The following CPTP variants were observed in gnomAD, a reference collection of about 807,000 sequenced individuals.
CPTP encodes ceramide-1-phosphate transfer protein.
Under a neutral mutation model 5.7 loss-of-function variants are expected in CPTP, and 5 were observed. The ratio of observed to expected loss-of-function variants is 0.88; its 90% CI spans 0.46 to 1.86. The LOEUF (loss-of-function observed/expected upper bound fraction) is 1.86, where lower values mean the gene tolerates loss of function less well. Among genes scored for constraint, CPTP ranks in the 40% most tolerant of loss-of-function variants. The pLI, the probability that CPTP is intolerant of heterozygous loss-of-function variation, is 0.01. For missense variants in CPTP, 335 were observed against 306.5 expected (o/e 1.09, Z -0.69); for synonymous variants, 166 against 142.7 (o/e 1.16, Z -1.16).
chr1:1,327,052 C>A lies in CPTP; in HGVS notation c.122+20C>A, dbSNP rs777391500. 1.2e-6 allele frequency: 2 copies of A among 1,612,300 alleles called. No homozygotes were observed. The highest frequency in any genetic ancestry group is 2.2e-5 in the South Asian group (2 of 91,072). ...GGTCAGGTGCGTGTGCCAGGGCTGC[C>A]TCCTGAGGTGGGCGCTCCCCTGGCC... is the stretch of plus-strand genomic sequence containing the variant. On this transcript the variant is annotated intron_variant, in intron 2 of 2. Coordinates refer to ENST00000343938, the MANE Select transcript of CPTP (RefSeq NM_001029885.2).
rs757970289 is a variant in CPTP at position 1,327,429 on chromosome 1, G to A, written c.311G>A (p.Gly104Asp). Residue 104 changes from glycine (G) to aspartate (D), a missense_variant, in exon 3 of 3, where the codon GGC (glycine) becomes GAC (aspartate). Physicochemically the swap from Gly to Asp is moderately conservative, Grantham distance 94. Transcript: ENST00000343938. ...LERRSHHPES[G>D]CRTVLRLHRA... The stretch of plus-strand genomic sequence containing the variant: ...CGCCGCTCCCACCACCCGGAGTCTG[G>A]CTGCCGGACGGTGCTGCGCCTGCAC... The A allele has an allele frequency of 2.5e-6, 4 of 1,584,456 alleles. No individual in the cohort carries two copies. Among genetic ancestry groups the A allele is most frequent in the Admixed American group, 1.7e-5 (1 of 57,430 alleles).
At position 1,327,263 on chromosome 1, in the gene CPTP, A is replaced by G; in HGVS notation, c.145A>G (p.Ile49Val). 1.9e-6 allele frequency: 3 copies of G among 1,597,878 alleles called. No individual in the cohort carries two copies. The highest frequency in any genetic ancestry group is 1.3e-5 in the African/African-American group (1 of 75,000). Reference sequence around the variant, plus strand: ...CAGGTTTCTGAACAGCCTGGGCACCATCTTCTCATTCATCTCCAAGGACGT... The same window carrying G: ...CAGGTTTCTGAACAGCCTGGGCACCGTCTTCTCATTCATCTCCAAGGACGT... ...LVRFLNSLGT[I>V]FSFISKDVVS... The change falls in exon 3 of 3, where the codon ATC (isoleucine) becomes GTC (valine). Residue 49 changes from isoleucine to valine, a missense_variant. Transcript: ENST00000343938.
chr1:1,326,135 G>C (rs528013444), intron 1 of CPTP, among the ~76,000 whole-genome samples: 12 of 152,394 alleles, frequency 7.9e-5, no homozygotes, highest in African/African-American at 2.9e-4. Context: ...TAGTACAAGA[G>C]CCTCGTGGCA....
At chr1:1,325,580 C>T (rs1315183559) in intron 1 of CPTP, 17 of 152,358 alleles carry the variant, frequency 1.1e-4, no homozygotes, top group Non-Finnish European at 2.3e-4. Context: ...CAGCCATCCC[C>T]CACACCTGAA....
At chr1:1,327,096 T>C (rs1422521956) in intron 2 of CPTP, 64 bp downstream of exon 2, 2 of 1,602,108 alleles carry the variant, frequency 1.2e-6, no homozygotes, top group Non-Finnish European at 1.7e-6. Context: ...ATATGTGGCA[T>C]CTGCCTCCCG....
rs1403233335 is a variant in CPTP at position 1,327,560 on chromosome 1, GC to G, written c.444del (p.Tyr149ThrfsTer27). On this transcript the variant is annotated frameshift_variant, in exon 3 of 3. Coordinates refer to ENST00000343938, the MANE Select transcript of CPTP (RefSeq NM_001029885.2). LOFTEE classifies it high-confidence loss of function. The stretch of plus-strand genomic sequence containing the variant: ...CGACTCCTACAACGCCTCGCTGGCC[GC>G]CTACCACCCCTGGGTCGTGCGCCGC... ...CADSYNASLA[A>X]YHPWVVRRAV... 6.3e-7 allele frequency: 1 copy of G among 1,599,750 alleles called. No individual in the cohort carries two copies. Among genetic ancestry groups the G allele is most frequent in the Non-Finnish European group, 8.5e-7 (1 of 1,174,434 alleles).
Position 1,327,650 on chromosome 1 carries a change from G to T in CPTP, c.532G>T (p.Gly178Trp), listed in dbSNP as rs926340891. The change falls in exon 3 of 3, where the codon GGG becomes TGG. Residue 178 changes from glycine to tryptophan, a missense_variant. Physicochemically the swap from Gly to Trp is radical, Grantham distance 184 (BLOSUM62 -2). Transcript: ENST00000343938. ...GGTCTTCCTGGAGGCCATGAACGTG[G>T]GGCCCCCGGAGCAGGCCGTGCAGAT... ...REVFLEAMNVGPPEQAVQMLG... is the reference protein window; with the variant it reads ...REVFLEAMNVWPPEQAVQMLG... The T allele has an allele frequency of 1.9e-6, 3 of 1,612,606 alleles. No individual in the cohort carries two copies. The highest frequency in any genetic ancestry group is 2.5e-6 in the Non-Finnish European group (3 of 1,179,924).
rs777545105 is a variant in CPTP at position 1,327,776 on chromosome 1, A to G, written c.*13A>G. ...GGACCTGCCCTAGGGGCGGGAAGCC[A>G]GGGCCGCACCGGCTTTCCTGCTGCA... is the stretch of plus-strand genomic sequence containing the variant. On this transcript the variant is annotated 3_prime_UTR_variant, in exon 3 of 3. Coordinates refer to ENST00000343938, the MANE Select transcript of CPTP (RefSeq NM_001029885.2). The G allele has an allele frequency of 1.9e-5, 30 of 1,608,634 alleles. No individual in the cohort carries two copies. Among genetic ancestry groups the G allele is most frequent in the East Asian group, 1.6e-4 (7 of 44,864 alleles).
intron 1 of CPTP, among the ~76,000 whole-genome samples, chr1:1,325,803 G>A (rs1452427669): frequency 6.6e-6 from 1 of 152,158 alleles, no homozygotes; most frequent in Admixed American, 6.5e-5. Flanking sequence ...CTGGCCAGGA[G>A]CTCTCACCAC....
At position 1,327,153 on chromosome 1, in the gene CPTP, A is replaced by G. The variant is rs908733074; in HGVS notation, c.123-88A>G. 7.6e-6 allele frequency: 12 copies of G among 1,585,224 alleles called. No individual in the cohort carries two copies. In the Admixed American group the frequency reaches 2.1e-4, roughly 27 times the overall value. ...TGCTGCCCGTTTCCAGATGGGTGTG[A>G]GCCCCCGCAGGCTGGGCAGCGTCCC... On this transcript the variant is annotated intron_variant, in intron 2 of 2. Coordinates refer to ENST00000343938, the MANE Select transcript of CPTP (RefSeq NM_001029885.2).
Position 1,327,579 on chromosome 1 carries a change from T to C in CPTP, c.461T>C (p.Val154Ala). The change falls in exon 3 of 3, where the codon GTG (valine) becomes GCG (alanine). Residue 154 changes from valine (V) to alanine (A), a missense_variant. Transcript: ENST00000343938. ...ASLAAYHPWV[V>A]RRAVTVAFCT... ...CTGGCCGCCTACCACCCCTGGGTCG[T>C]GCGCCGCGCCGTCACCGTGGCCTTC... is the stretch of plus-strand genomic sequence containing the variant. 1 of 1,606,596 alleles carries C rather than the reference T, an allele frequency of 6.2e-7. No homozygotes were observed. The highest frequency in any genetic ancestry group is 1.7e-5 in the Admixed American group (1 of 59,040).
At position 1,327,016 on chromosome 1, in the gene CPTP, T is replaced by A; in HGVS notation, c.106T>A (p.Trp36Arg). 6.2e-7 allele frequency: 1 copy of A among 1,613,316 alleles called. No individual in the cohort carries two copies. The highest frequency in any genetic ancestry group is 8.5e-7 in the Non-Finnish European group (1 of 1,179,984). Residue 36 changes from tryptophan to arginine, a missense_variant, in exon 2 of 3, where the codon TGG becomes AGG. Coordinates refer to ENST00000343938, the MANE Select transcript of CPTP (RefSeq NM_001029885.2). ...CTTGCTGGACCCCTACATTGCCAGCTGGAAGGGCCTGGTCAGGTGCGTGTG... is the reference window on the plus strand; with the variant it reads ...CTTGCTGGACCCCTACATTGCCAGCAGGAAGGGCCTGGTCAGGTGCGTGTG... ...EVLLDPYIAS[W>R]KGLVRFLNSL...
Position 1,328,112 on chromosome 1 carries a change from T to G in CPTP, c.*349T>G. On this transcript the variant is annotated 3_prime_UTR_variant, in exon 3 of 3. Transcript: ENST00000343938. The stretch of plus-strand genomic sequence containing the variant: ...CGAAAGGTCGCCACCCCCTAGCCTG[T>G]GGGGTGCATCTGCGAACCAGGGTGA... 2 of 370,034 alleles carry G rather than the reference T, an allele frequency of 5.4e-6. No homozygotes were observed. The highest frequency in any genetic ancestry group is 9.9e-6 in the Non-Finnish European group (2 of 202,354). 22.9% of individuals were successfully genotyped at this position (370,034 alleles called of 1,614,324 possible). A position where few individuals can be genotyped will look rare whatever the true frequency, so the allele number is the denominator to read the frequency against.
In CPTP at chr1:1,326,962, A is replaced by G; in HGVS notation, c.52A>G (p.Lys18Glu). ...FNLKVVLVSF[K>E]QCLDEKEEVL... The stretch of plus-strand genomic sequence containing the variant: ...TCTGAAAGTCGTCCTGGTCAGTTTC[A>G]AGCAGTGTCTCGATGAGAAGGAAGA... Residue 18 changes from lysine to glutamate, a missense_variant, in exon 2 of 3, where the codon AAG becomes GAG. By Grantham distance (56) the Lys-to-Glu change is moderately conservative. Transcript: ENST00000343938. 6.2e-7 allele frequency: 1 copy of G among 1,613,772 alleles called. No homozygotes were observed. Among genetic ancestry groups the G allele is most frequent in the Non-Finnish European group, 8.5e-7 (1 of 1,179,994 alleles).
In CPTP at chr1:1,327,271, A is replaced by G. The variant is rs1350648571; in HGVS notation, c.153A>G (p.Ser51=). 3 of 1,597,750 alleles carry G rather than the reference A, an allele frequency of 1.9e-6. No homozygotes were observed. Among genetic ancestry groups the G allele is most frequent in the Non-Finnish European group, 2.5e-6 (3 of 1,179,328 alleles). Residue 51 remains serine, a synonymous_variant, in exon 3 of 3, where the codon TCA becomes TCG. Coordinates refer to ENST00000343938, the MANE Select transcript of CPTP (RefSeq NM_001029885.2). ...TGAACAGCCTGGGCACCATCTTCTCATTCATCTCCAAGGACGTGGTCTCCA... is the reference window on the plus strand; with the variant it reads ...TGAACAGCCTGGGCACCATCTTCTCGTTCATCTCCAAGGACGTGGTCTCCA... The part of the protein sequence containing the change: ...RFLNSLGTIF[S]FISKDVVSKL...
At chr1:1,327,185 C>T in intron 2 of CPTP, 56 bp from the exon 3 acceptor site, 27 of 1,587,198 alleles carry the variant, frequency 1.7e-5, no homozygotes, top group Non-Finnish European at 2.3e-5. Flanking sequence ...TCCCCTGCAC[C>T]CCAGGCGGGC....
Position 1,327,383 on chromosome 1 carries a change from AAC to A in CPTP, c.266_267del (p.Asn89ThrfsTer241). ...GGCCATGGTGGCCCACGAGCTGAGC[AAC>A]CGGCTGGTGGACCTGGAGCGCCGCT... ...LQAMVAHELS[N>X]RLVDLERRSH... is the part of the protein sequence containing the mutation. On this transcript the variant is annotated frameshift_variant, in exon 3 of 3. Coordinates refer to ENST00000343938, the MANE Select transcript of CPTP (RefSeq NM_001029885.2). LOFTEE classifies it low-confidence loss of function (END_TRUNC). 1 of 1,597,652 alleles carries A rather than the reference AAC, an allele frequency of 6.3e-7. No homozygotes were observed. The highest frequency in any genetic ancestry group is 8.5e-7 in the Non-Finnish European group (1 of 1,178,404).
chr1:1,326,794 C>A, intron 1 of CPTP, 42 bp from the exon 2 acceptor site: 2 of 1,348,394 alleles, frequency 1.5e-6, no homozygotes, highest in Non-Finnish European at 2.1e-6. Flanking sequence ...GTTCAGTGAG[C>A]GGCAATGGGA....
In CPTP at chr1:1,328,013, G is replaced by T; in HGVS notation, c.*250G>T. 1 of 574,696 alleles carries T rather than the reference G, an allele frequency of 1.7e-6. No individual in the cohort carries two copies. The highest frequency in any genetic ancestry group is 3.2e-5 in the Admixed American group (1 of 31,614). The allele number at this position is 574,696 out of a possible 1,614,324, so 35.6% of individuals were successfully genotyped here. On this transcript the variant is annotated 3_prime_UTR_variant, in exon 3 of 3. Coordinates refer to ENST00000343938, the MANE Select transcript of CPTP (RefSeq NM_001029885.2). ...GGCTCCCCCTCGGCCTATTACACGC[G>T]TGCGCAGCCAGGCCTCGCCAGGGTG...
Sources: allele counts gnomAD v4.1 joint callset (sites outside exome capture counted in the v4.1 genomes callset), GRCh38; gene constraint gnomAD v4.1.1; transcripts MANE v1.5; gene names NCBI Gene and HGNC (gene_info 2026-07-23, HGNC 2026-07-21).